The following ASNS variants were observed in gnomAD, a reference collection of about 807,000 sequenced individuals.
The protein encoded by ASNS is asparagine synthetase (glutamine-hydrolyzing).
In ASNS, 37 loss-of-function variants were observed where a neutral mutation model predicts 62.6. The ratio of observed to expected loss-of-function variants is 0.59; its 90% CI spans 0.45 to 0.78. The LOEUF is 0.78. Ranked by LOEUF, ASNS falls within the 30% of genes least tolerant of loss-of-function variation. The pLI is 0.00. For synonymous variants in ASNS, 207 were observed against 237.9 expected, an observed-to-expected ratio of 0.87 and a Z score of 1.19; for missense variants, 520 against 682.4, an observed-to-expected ratio of 0.76 and a Z score of 2.65.
intron 1 of ASNS, among the ~76,000 whole-genome samples, chr7:97,870,599 A>G (rs1792208166): frequency 6.6e-6 from 1 of 152,248 alleles, no homozygotes; most frequent in Non-Finnish European, 1.5e-5. Context: ...TGTCTCTTCC[A>G]TGCACTTGAC....
chr7:97,856,857 A>C (rs1178614944), intron 7 of ASNS, 41 bp from the exon 8 acceptor site: 2 of 1,536,138 alleles, frequency 1.3e-6, no homozygotes, highest in Non-Finnish European at 1.8e-6. Flanking sequence ...GTTAAAGAAA[A>C]TAACTTCCCT....
chr7:97,878,060 T>C, the ASNS span, among the ~76,000 whole-genome samples: 1 of 152,074 alleles, frequency 6.6e-6, no homozygotes, highest in South Asian at 2.1e-4. Flanking sequence ...GGTGATGGCG[T>C]AGGATGCAGG....
Position 97,869,121 on chromosome 7 carries a change from A to G in ASNS, c.36T>C (p.Asp12=), listed in dbSNP as rs556838423. 73 of 1,614,076 alleles carry G rather than the reference A, an allele frequency of 4.5e-5. No homozygotes were observed. The East Asian group carries it at 1.3e-3, about 29-fold the overall frequency. ...CACTCAGACACTGAACAGAAAGGCA[A>G]TCATCACTGCCAAACAGCGCCCAAA... ...CGIWALFGSD[D]CLSVQCLSAM... Residue 12 remains aspartate, a synonymous_variant, in exon 3 of 13, where the codon GAT becomes GAC. Coordinates refer to ENST00000394308, the MANE Select transcript of ASNS (RefSeq NM_001673.5).
chr7:97,907,125 C>A, the ASNS span, among the ~76,000 whole-genome samples: 1 of 152,220 alleles, frequency 6.6e-6, no homozygotes, highest in African/African-American at 2.4e-5. Context: ...TCATGTCTTG[C>A]TTCTACTCTC....
chr7:97,858,429 A>C, intron 6 of ASNS, 24 bp from the exon 7 acceptor site: 1 of 1,613,914 alleles, frequency 6.2e-7, no homozygotes, highest in Non-Finnish European at 8.5e-7. Flanking sequence ...AGGAAGTGGA[A>C]GTGTCCTAGT....
intron 5 of ASNS, 33 bp downstream of exon 5, chr7:97,859,180 A>G (rs762075341): frequency 6.4e-7 from 1 of 1,566,966 alleles, no homozygotes; most frequent in African/African-American, 1.4e-5. Context: ...CCCTTGGAGA[A>G]GGATGGGGAA....
chr7:97,872,977 G>T (rs1325724889), upstream of ASNS, among the ~76,000 whole-genome samples: 1 of 152,200 alleles, frequency 6.6e-6, no homozygotes, highest in African/African-American at 2.4e-5. Flanking sequence ...AGCAACTCAG[G>T]AGGCTGAGGC....
the ASNS span, among the ~76,000 whole-genome samples, chr7:97,890,211 T>C: frequency 1.3e-5 from 2 of 152,116 alleles, no homozygotes; most frequent in African/African-American, 4.8e-5. Context: ...GACACATATG[T>C]CACCAAAAAC....
the ASNS span, among the ~76,000 whole-genome samples, chr7:97,904,578 AT>A: frequency 6.6e-6 from 1 of 152,104 alleles, no homozygotes; most frequent in Admixed American, 6.6e-5. Flanking sequence ...TAAGAATTAA[AT>A]GCTCCAGGCT....
the ASNS span, among the ~76,000 whole-genome samples, chr7:97,904,284 T>A: frequency 7.4e-6 from 1 of 135,224 alleles, no homozygotes; most frequent in Admixed American, 7.6e-5. Flanking sequence ...ACTACCAGTT[T>A]CACACACACA....
chr7:97,853,611 AACTGAG>A (rs1791293865), intron 10 of ASNS, among the ~76,000 whole-genome samples: 1 of 152,208 alleles, frequency 6.6e-6, no homozygotes, highest in Admixed American at 6.5e-5. Flanking sequence ...GAGTAAAACT[AACTGAG>A]ACTATTACTT....
chr7:97,855,612 A>T lies in ASNS; in HGVS notation c.1031-153T>A, dbSNP rs559691452. On this transcript the variant is annotated intron_variant, in intron 8 of 12. Coordinates refer to ENST00000394308, the MANE Select transcript of ASNS (RefSeq NM_001673.5). ...TTTCCACAATAATGACCTTGTATTT[A>T]TAAGCCATTTATATGTACTTAATCC... 2.0e-5 allele frequency among the ~76,000 whole-genome samples: 3 copies of T among 152,364 alleles called. No homozygotes were observed. In the East Asian group the frequency reaches 5.8e-4, roughly 29 times the overall value.
At chr7:97,906,034 AAAAGTAATGGCAAAAACAG>A in the ASNS span, among the ~76,000 whole-genome samples, 1 of 152,164 alleles carries the variant, frequency 6.6e-6, no homozygotes, top group Non-Finnish European at 1.5e-5. Context: ...TTTTGCCATT[AAAAGTAATGGCAAAAACAG>A]CAATTATTTT....
the ASNS span, among the ~76,000 whole-genome samples, chr7:97,917,215 CCAAA>C: frequency 1.7e-5 from 1 of 57,930 alleles, no homozygotes. Flanking sequence ...TATATTTGCA[CCAAA>C]AAAAAAAAAA....
In ASNS at chr7:97,853,003, T is replaced by C. The variant is rs1324207599; in HGVS notation, c.1476+57A>G. The C allele has an allele frequency of 4.1e-6, 6 of 1,463,790 alleles. No homozygotes were observed. The East Asian group carries it at 1.4e-4, about 34-fold the overall frequency. The allele number at this position is 1,463,790 out of a possible 1,614,324, so 90.7% of individuals were successfully genotyped here. A position where few individuals can be genotyped will look rare whatever the true frequency, so the allele number is the denominator to read the frequency against. On this transcript the variant is annotated intron_variant, in intron 12 of 12. Coordinates refer to ENST00000394308, the MANE Select transcript of ASNS (RefSeq NM_001673.5). ...AAACTAAATACAAAATGAACAGCAA[T>C]GACAGCTCTGCATCCAAACTGTCTT...
the ASNS span, among the ~76,000 whole-genome samples, chr7:97,924,300 G>A: frequency 6.6e-6 from 1 of 152,172 alleles, no homozygotes; most frequent in Non-Finnish European, 1.5e-5. Context: ...TTTCGGCCAG[G>A]GGGGGATGCG....
the ASNS span, among the ~76,000 whole-genome samples, chr7:97,902,291 G>A: frequency 6.6e-6 from 1 of 152,108 alleles, no homozygotes; most frequent in Non-Finnish European, 1.5e-5. Context: ...AAATTAAGGT[G>A]ATCAGCTTTC....
chr7:97,898,833 G>A, the ASNS span: 1 of 771,516 alleles, frequency 1.3e-6, no homozygotes, highest in Non-Finnish European at 2.3e-6. Flanking sequence ...AAGTTAGTCA[G>A]GCAGTTTTTG....
the ASNS span, among the ~76,000 whole-genome samples, chr7:97,907,077 C>A: frequency 6.6e-6 from 1 of 152,162 alleles, no homozygotes; most frequent in Non-Finnish European, 1.5e-5. Context: ...TATCTGGGCA[C>A]CCCACAACCC....
Sources: allele counts gnomAD v4.1 joint callset (sites outside exome capture counted in the v4.1 genomes callset), GRCh38; gene constraint gnomAD v4.1.1; transcripts MANE v1.5; gene names NCBI Gene and HGNC (gene_info 2026-07-23, HGNC 2026-07-21).